EPB41L4A: variants seen among roughly 807,000 people sequenced by gnomAD.
EPB41L4A encodes the protein band 4.1-like protein 4A.
In EPB41L4A, 100 loss-of-function variants were observed where a neutral mutation model predicts 108.6. The observed-to-expected ratio is 0.92, with a 90% confidence interval of 0.78 to 1.09. EPB41L4A has a LOEUF of 1.09. EPB41L4A is among the 50% of genes least tolerant of loss of function. The pLI, the probability that EPB41L4A is intolerant of heterozygous loss-of-function variation, is 0.00. For synonymous variants in EPB41L4A, 319 were observed against 289.0 expected (o/e 1.10, Z -1.05); for missense variants, 1,030 against 842.7 (o/e 1.22, Z -2.75).
intron 1 of EPB41L4A, among the ~76,000 whole-genome samples, chr5:112,361,703 T>TAAAA (rs200811023): frequency 7.1e-6 from 1 of 140,098 alleles, no homozygotes; most frequent in African/African-American, 2.6e-5. Context: ...CCAAAAATGC[T>TAAAA]AAAAAAAAAT....
intron 12 of EPB41L4A, chr5:112,228,835 C>T: frequency 1.4e-6 from 1 of 704,054 alleles, no homozygotes; most frequent in Non-Finnish European, 1.7e-6. Flanking sequence ...GCTCTGGCTG[C>T]CTGCCCTGAT....
At chr5:112,251,861 A>G (rs1750699529) in intron 9 of EPB41L4A, among the ~76,000 whole-genome samples, 1 of 152,194 alleles carries the variant, frequency 6.6e-6, no homozygotes, top group Non-Finnish European at 1.5e-5. Context: ...GAAGACATGA[A>G]TGATAAGAAG....
In EPB41L4A at chr5:112,164,130, T is replaced by C. The variant is rs1379957019; in HGVS notation, c.*860A>G. The stretch of plus-strand genomic sequence containing the variant: ...GGGTGACAGATCAACTGAGATCCAC[T>C]TACACTTCTGAAAACGCAAGAACAC... On this transcript the variant is annotated 3_prime_UTR_variant, in exon 23 of 23. Transcript: ENST00000261486. 6.6e-6 allele frequency: 1 copy of C among 152,202 alleles called. No homozygotes were observed. The highest frequency in any genetic ancestry group is 2.4e-5 in the African/African-American group (1 of 41,438). 9.4% of individuals were successfully genotyped at this position (152,202 alleles called of 1,614,324 possible). A position where few individuals can be genotyped will look rare whatever the true frequency, so the allele number is the denominator to read the frequency against.
At chr5:112,418,541 G>A (rs910292431) in intron 1 of EPB41L4A, among the ~76,000 whole-genome samples, 11 of 152,130 alleles carry the variant, frequency 7.2e-5, no homozygotes, top group Admixed American at 1.3e-4. Flanking sequence ...TAATAACACT[G>A]TCAAGGAAAA....
At chr5:112,335,572 C>T (rs1466991434) in intron 1 of EPB41L4A, among the ~76,000 whole-genome samples, 1 of 152,138 alleles carries the variant, frequency 6.6e-6, no homozygotes, top group Non-Finnish European at 1.5e-5. Context: ...ATTTTTACGA[C>T]TAGAACAGGA....
At chr5:112,190,832 C>G (rs758706660) in intron 17 of EPB41L4A, among the ~76,000 whole-genome samples, 1 of 152,090 alleles carries the variant, frequency 6.6e-6, no homozygotes, top group African/African-American at 2.4e-5. Flanking sequence ...TCAGGTTATT[C>G]TGTGTCATAC....
chr5:112,377,642 G>A (rs1759900872), intron 1 of EPB41L4A, among the ~76,000 whole-genome samples: 1 of 152,022 alleles, frequency 6.6e-6, no homozygotes, highest in African/African-American at 2.4e-5. Flanking sequence ...TATTCCCATG[G>A]CGACCCTCAA....
intron 17 of EPB41L4A, among the ~76,000 whole-genome samples, chr5:112,193,832 T>C (rs1761827551): frequency 6.6e-6 from 1 of 152,214 alleles, no homozygotes. Flanking sequence ...ACTCTGGACA[T>C]TGCCAAATGT....
chr5:112,387,365 G>A (rs549935691), intron 1 of EPB41L4A, among the ~76,000 whole-genome samples: 53 of 152,318 alleles, frequency 3.5e-4, no homozygotes, highest in Non-Finnish European at 3.5e-4. Context: ...GGTGGCTCAC[G>A]CCTGAAATCC....
At chr5:112,244,818 T>C (rs1435202478) in intron 9 of EPB41L4A, among the ~76,000 whole-genome samples, 2 of 152,176 alleles carry the variant, frequency 1.3e-5, no homozygotes, top group Admixed American at 1.3e-4. Context: ...AGGGTGCTCT[T>C]TGTTAGAAAA....
In EPB41L4A at chr5:112,277,645, A is replaced by T. The variant is rs1464766; in HGVS notation, c.257-2241T>A. 3.3e-5 allele frequency among the ~76,000 whole-genome samples: 5 copies of T among 152,024 alleles called. No homozygotes were observed. In the South Asian group the frequency reaches 8.3e-4, roughly 25 times the overall value. ...AGTTTGCTATCATCTAGGGCTCAGC[A>T]CTTTGGGGTGCACCATTCTATACAG... On this transcript the variant is annotated intron_variant, in intron 3 of 22. Transcript: ENST00000261486.
chr5:112,157,736 A>T (rs1759700688), downstream of EPB41L4A, among the ~76,000 whole-genome samples: 1 of 152,182 alleles, frequency 6.6e-6, no homozygotes, highest in Admixed American at 6.5e-5. Flanking sequence ...TATTAATCAC[A>T]TATGCAAAGC....
intron 3 of EPB41L4A, among the ~76,000 whole-genome samples, chr5:112,276,941 G>T (rs1007307496): frequency 6.6e-6 from 1 of 152,124 alleles, no homozygotes; most frequent in African/African-American, 2.4e-5. Context: ...AACTTTAAAA[G>T]AAACTGCTAG....
At chr5:112,166,475 G>C (rs1025131878) in intron 22 of EPB41L4A, among the ~76,000 whole-genome samples, 1 of 152,136 alleles carries the variant, frequency 6.6e-6, no homozygotes, top group Non-Finnish European at 1.5e-5. Flanking sequence ...TCCAGAGTCA[G>C]CATTTTCCCT....
chr5:112,399,714 C>T (rs553618627), intron 1 of EPB41L4A, among the ~76,000 whole-genome samples: 1 of 152,346 alleles, frequency 6.6e-6, no homozygotes, highest in South Asian at 2.1e-4. Context: ...ACCTATCACA[C>T]ATCACGTCTT....
chr5:112,147,497 G>A (rs754731514), intron 12 of EPB41L4A, among the ~76,000 whole-genome samples: 5 of 151,836 alleles, frequency 3.3e-5, no homozygotes, highest in Admixed American at 1.3e-4. Context: ...AAAATTAGCC[G>A]GGTGTGGTGG....
chr5:112,340,387 C>T (rs906966368), intron 1 of EPB41L4A, among the ~76,000 whole-genome samples: 1 of 152,154 alleles, frequency 6.6e-6, no homozygotes, highest in African/African-American at 2.4e-5. Context: ...TAACAAGATC[C>T]CAGAGGATGC....
At chr5:112,412,536 G>T (rs1762470887) in intron 1 of EPB41L4A, among the ~76,000 whole-genome samples, 1 of 152,182 alleles carries the variant, frequency 6.6e-6, no homozygotes, top group Admixed American at 6.5e-5. Flanking sequence ...TACTTACAAG[G>T]TTTTTGAGTC....
intron 17 of EPB41L4A, among the ~76,000 whole-genome samples, chr5:112,185,959 C>T (rs1305179930): frequency 1.3e-5 from 2 of 152,066 alleles, no homozygotes; most frequent in East Asian, 1.9e-4. Flanking sequence ...GTCCTGGACA[C>T]CCCCAGGACT....
Sources: gnomAD v4.1 joint callset for allele counts (sites outside exome capture counted in the v4.1 genomes callset) on GRCh38, gnomAD v4.1.1 for gene constraint, MANE v1.5 for transcripts, NCBI Gene and HGNC (gene_info 2026-07-23, HGNC 2026-07-21) for gene names.